CCDC102B: variants seen among roughly 807,000 people sequenced by gnomAD.
The protein encoded by CCDC102B is coiled-coil domain containing 102B.
CCDC102B carries 75 observed loss-of-function variants against 57.4 expected under a neutral mutation model. The observed-to-expected ratio is 1.31, with a 90% CI of 1.08 to 1.58. CCDC102B has a LOEUF of 1.58. CCDC102B is among the 40% of genes most tolerant of loss of function. CCDC102B has a pLI of 0.00. For missense variants in CCDC102B, 636 were observed against 582.6 expected, an observed-to-expected ratio of 1.09 and a Z score of -0.94; for synonymous variants, 206 against 201.9, an observed-to-expected ratio of 1.02 and a Z score of -0.17.
chr18:68,948,711 A>G (rs994906730), intron 6 of CCDC102B, among the ~76,000 whole-genome samples: 2 of 151,908 alleles, frequency 1.3e-5, no homozygotes, highest in Non-Finnish European at 2.9e-5. Context: ...CCATTTCCCC[A>G]CTACTCCCAG....
intron 6 of CCDC102B, among the ~76,000 whole-genome samples, chr18:68,914,598 T>G (rs2040996677): frequency 6.6e-6 from 1 of 152,228 alleles, no homozygotes; most frequent in Admixed American, 6.5e-5. Flanking sequence ...AGGCTGGAGG[T>G]GCCCTTGACC....
rs1245161066 is a variant in CCDC102B, at chr18:68,897,257, C to T, written c.1092C>T (p.Asp364=). 6.2e-7 allele frequency: 1 copy of T among 1,612,482 alleles called. No individual in the cohort carries two copies. Among genetic ancestry groups the T allele is most frequent in the Admixed American group, 1.7e-5 (1 of 59,886 alleles). ...AAGCTGAAAATACCTCGGAGTGGGA[C>T]AAGAGGGAAATACTTGAAAGAGAAA... ...RLQAENTSEW[D]KREILEREKQ... Residue 364 remains aspartate, a synonymous_variant, in exon 6 of 8, where the codon GAC becomes GAT. Transcript: ENST00000360242.
intron 6 of CCDC102B, among the ~76,000 whole-genome samples, chr18:68,939,475 C>G (rs929742090): frequency 2.0e-5 from 3 of 151,532 alleles, no homozygotes; most frequent in Non-Finnish European, 4.4e-5. Flanking sequence ...AACTGTTAAT[C>G]CTGATATTTG....
intron 2 of CCDC102B, among the ~76,000 whole-genome samples, chr18:68,747,491 C>A (rs779910126): frequency 6.6e-6 from 1 of 152,068 alleles, no homozygotes; most frequent in African/African-American, 2.4e-5. Flanking sequence ...CTAACCTAAA[C>A]TTTATACCCA....
rs192208351 is a variant in CCDC102B at position 69,044,978 on chromosome 18, G to A, written c.1435-9052G>A. 8.2e-4 allele frequency among the ~76,000 whole-genome samples: 125 copies of A among 152,170 alleles called. 1 individual carries two copies. The highest frequency in any genetic ancestry group is 2.9e-3 in the African/African-American group (122 of 41,562). On this transcript the variant is annotated intron_variant, in intron 7 of 7. Transcript: ENST00000360242. Reference sequence around the variant, plus strand: ...GGCCCCTTTTCTTGGTTTGCAGATGGCCGCCTTCTTGCTGAGACCTTGCAT... The same window carrying A: ...GGCCCCTTTTCTTGGTTTGCAGATGACCGCCTTCTTGCTGAGACCTTGCAT...
At chr18:68,929,829 T>TAC (rs139334882) in intron 6 of CCDC102B, among the ~76,000 whole-genome samples, 18,242 of 151,100 alleles carry the variant, frequency 0.12, 1,407 homozygotes, top group South Asian at 0.27. Context: ...ATGTATATAA[T>TAC]ACACACACAC....
Position 68,757,353 on chromosome 18 carries a change from G to C in CCDC102B, c.-67+40759G>C, listed in dbSNP as rs1043870338. 2.0e-5 allele frequency among the ~76,000 whole-genome samples: 3 copies of C among 152,060 alleles called. No individual in the cohort carries two copies. In the East Asian group the frequency reaches 5.8e-4, roughly 29 times the overall value. ...CCAAGGAATCCTTATAAGATAAAAT[G>C]TCTCTTTCCTTTTGGTAATATTATT... On this transcript the variant is annotated intron_variant, in intron 2 of 3. Transcript: ENST00000578970.
chr18:68,857,061 ATTT>A (rs1163115541), intron 4 of CCDC102B, among the ~76,000 whole-genome samples: 2 of 120,968 alleles, frequency 1.7e-5, no homozygotes, highest in Non-Finnish European at 3.3e-5. Context: ...ATATAAATAT[ATTT>A]TTATATATTA....
At chr18:68,763,746 C>T in intron 2 of CCDC102B, among the ~76,000 whole-genome samples, 1 of 134,810 alleles carries the variant, frequency 7.4e-6, no homozygotes, top group South Asian at 2.2e-4. Flanking sequence ...TCAATACAGA[C>T]AAATATTCCT....
At chr18:68,987,401 G>T (rs1183879379) in intron 6 of CCDC102B, among the ~76,000 whole-genome samples, 1 of 151,652 alleles carries the variant, frequency 6.6e-6, no homozygotes, top group African/African-American at 2.4e-5. Context: ...CTATACAAAA[G>T]TTCACCCAAA....
chr18:69,015,667 C>T (rs1159570105), intron 7 of CCDC102B, among the ~76,000 whole-genome samples: 1 of 152,000 alleles, frequency 6.6e-6, no homozygotes, highest in African/African-American at 2.4e-5. Context: ...ATAGTATGTA[C>T]TTGGGCCATA....
At chr18:68,738,024 C>A (rs1464139135) in intron 2 of CCDC102B, among the ~76,000 whole-genome samples, 1 of 152,112 alleles carries the variant, frequency 6.6e-6, no homozygotes, top group Non-Finnish European at 1.5e-5. Context: ...ATATAATGAC[C>A]ACTCATTTAA....
chr18:68,775,803 G>T (rs370186685), intron 2 of CCDC102B, among the ~76,000 whole-genome samples: 2 of 151,708 alleles, frequency 1.3e-5, no homozygotes, highest in African/African-American at 4.8e-5. Context: ...ACAGGCGCCC[G>T]CCACCACGCC....
chr18:69,004,363 G>A (rs2145369148), intron 6 of CCDC102B, among the ~76,000 whole-genome samples: 1 of 152,246 alleles, frequency 6.6e-6, no homozygotes, highest in East Asian at 1.9e-4. Flanking sequence ...TCTGGAGCTG[G>A]AATGGACCTT....
At chr18:68,957,572 T>TTC (rs929054883) in intron 6 of CCDC102B, among the ~76,000 whole-genome samples, 7 of 151,580 alleles carry the variant, frequency 4.6e-5, no homozygotes, top group African/African-American at 1.7e-4. Context: ...TTTTTTTTTT[T>TTC]TCTCTGAATG....
intron 7 of CCDC102B, among the ~76,000 whole-genome samples, chr18:69,052,025 A>T (rs979841111): frequency 1.4e-5 from 2 of 146,208 alleles, no homozygotes; most frequent in Admixed American, 1.4e-4. Context: ...TAATAAAAAT[A>T]ACTATGATTA....
At chr18:68,817,173 T>A (rs2036517977) in intron 1 of CCDC102B, among the ~76,000 whole-genome samples, 2 of 152,248 alleles carry the variant, frequency 1.3e-5, no homozygotes. Context: ...TTGATTCACA[T>A]TACATATGCC....
intron 6 of CCDC102B, among the ~76,000 whole-genome samples, chr18:68,999,026 A>AGAGAGAGAGG (rs1555669313): frequency 7.0e-6 from 1 of 143,386 alleles, no homozygotes; most frequent in African/African-American, 2.7e-5. Flanking sequence ...AGAGAGAGAG[A>AGAGAGAGAGG]GAGAGAGAGA....
chr18:69,028,632 G>GAC (rs34947733), intron 7 of CCDC102B, among the ~76,000 whole-genome samples: 5,299 of 149,582 alleles, frequency 0.035, 134 homozygotes, highest in African/African-American at 0.066. Context: ...GGGCTTCTTT[G>GAC]ACACACACAC....
Sources: allele counts gnomAD v4.1 joint callset (sites outside exome capture counted in the v4.1 genomes callset), GRCh38; gene constraint gnomAD v4.1.1; transcripts MANE v1.5; gene names NCBI Gene and HGNC (gene_info 2026-07-23, HGNC 2026-07-21).